Variants in NRXN3 observed in about 807,000 individuals in gnomAD.
NRXN3 encodes the protein neurexin III.
In NRXN3, 32 loss-of-function variants were observed where a neutral mutation model predicts 137.6. That is an observed-to-expected ratio of 0.23 (90% CI 0.18 to 0.31). The LOEUF (loss-of-function observed/expected upper bound fraction) is 0.31. Among genes scored for constraint, NRXN3 ranks in the 10% least tolerant of loss-of-function variants. The probability of loss-of-function intolerance (pLI) is 1.00; values close to 1 mark genes in which losing one functional copy is unlikely to be tolerated. For missense variants in NRXN3, 1,574 were observed against 2,062.5 expected, an observed-to-expected ratio of 0.76 and a Z score of 4.59; for synonymous variants, 798 against 784.5, an observed-to-expected ratio of 1.02 and a Z score of -0.29.
intron 15 of NRXN3, among the ~76,000 whole-genome samples, chr14:79,152,227 C>G (rs2059863264): frequency 6.6e-6 from 1 of 152,038 alleles, no homozygotes; most frequent in South Asian, 2.1e-4. Flanking sequence ...TGCATTTTAT[C>G]TGCAGTCAAC....
At chr14:78,296,700 G>A (rs1161054337) in intron 3 of NRXN3, among the ~76,000 whole-genome samples, 1 of 152,122 alleles carries the variant, frequency 6.6e-6, no homozygotes, top group Non-Finnish European at 1.5e-5. Flanking sequence ...TATGGCACAT[G>A]TATCTGTGTA....
At chr14:78,673,255 T>C (rs780129586) in intron 6 of NRXN3, among the ~76,000 whole-genome samples, 1 of 152,226 alleles carries the variant, frequency 6.6e-6, no homozygotes, top group Non-Finnish European at 1.5e-5. Flanking sequence ...CAAACCTGCA[T>C]GGGCAAGATT....
chr14:79,252,097 A>T (rs2076010657), intron 15 of NRXN3, among the ~76,000 whole-genome samples: 1 of 152,206 alleles, frequency 6.6e-6, no homozygotes, highest in African/African-American at 2.4e-5. Context: ...AAAATTAAAG[A>T]TAGTTACTTT....
intron 15 of NRXN3, among the ~76,000 whole-genome samples, chr14:79,247,640 C>T (rs1330108685): frequency 6.6e-6 from 1 of 152,060 alleles, no homozygotes; most frequent in African/African-American, 2.4e-5. Context: ...ATGGAAACAG[C>T]CAAAAGCTAG....
At chr14:79,362,105 G>A (rs569454124) in intron 15 of NRXN3, among the ~76,000 whole-genome samples, 16 of 149,282 alleles carry the variant, frequency 1.1e-4, no homozygotes, top group East Asian at 3.9e-4. Context: ...GATTACAGGC[G>A]CGGGCCACCA....
intron 19 of NRXN3, among the ~76,000 whole-genome samples, chr14:79,785,230 C>A (rs1454573603): frequency 1.3e-5 from 2 of 152,146 alleles, no homozygotes; most frequent in African/African-American, 4.8e-5. Context: ...ATAAAAAGAT[C>A]ACTTTTCTGG....
chr14:79,821,003 A>G (rs188706243), intron 20 of NRXN3, among the ~76,000 whole-genome samples: 30 of 152,290 alleles, frequency 2.0e-4, no homozygotes, highest in Admixed American at 9.8e-4. Flanking sequence ...CTACAAAGGA[A>G]GCAAACAAAA....
chr14:78,187,356 T>C (rs540859825), intron 1 of NRXN3, among the ~76,000 whole-genome samples: 2 of 152,144 alleles, frequency 1.3e-5, no homozygotes, highest in East Asian at 3.9e-4. Context: ...CATGCAGACT[T>C]GGGTAGGTAA....
intron 15 of NRXN3, among the ~76,000 whole-genome samples, chr14:79,085,613 T>C (rs1183730089): frequency 6.6e-6 from 1 of 152,182 alleles, no homozygotes; most frequent in Non-Finnish European, 1.5e-5. Context: ...CTTAGTAGTT[T>C]AATGACTTGG....
At chr14:79,795,485 G>A (rs1433921701) in intron 19 of NRXN3, among the ~76,000 whole-genome samples, 2 of 152,090 alleles carry the variant, frequency 1.3e-5, no homozygotes, top group Non-Finnish European at 2.9e-5. Flanking sequence ...ATTCTCAATC[G>A]AAAGCTGACC....
At chr14:78,549,164 C>G (rs1049130529) in intron 4 of NRXN3, among the ~76,000 whole-genome samples, 3 of 152,140 alleles carry the variant, frequency 2.0e-5, no homozygotes, top group Non-Finnish European at 2.9e-5. Flanking sequence ...TTTAGAGAAG[C>G]CAGGTCCAAC....
At chr14:78,223,448 C>T (rs1488419075) in intron 1 of NRXN3, among the ~76,000 whole-genome samples, 1 of 152,112 alleles carries the variant, frequency 6.6e-6, no homozygotes, top group African/African-American at 2.4e-5. Flanking sequence ...AAGGTCATTC[C>T]CCTCCCACCC....
chr14:79,463,316 C>A (rs577406953), intron 15 of NRXN3, among the ~76,000 whole-genome samples: 243 of 152,246 alleles, frequency 1.6e-3, no homozygotes, highest in African/African-American at 5.4e-3. Flanking sequence ...GCATGGAAGA[C>A]TGTTTGATCC....
chr14:78,224,085 A>G (rs760336194), intron 1 of NRXN3, among the ~76,000 whole-genome samples: 17 of 151,824 alleles, frequency 1.1e-4, no homozygotes, highest in Non-Finnish European at 2.4e-4. Flanking sequence ...GAAAATACAG[A>G]CTTTGTCTCA....
intron 4 of NRXN3, among the ~76,000 whole-genome samples, chr14:78,580,806 GC>G (rs1222448189): frequency 1.3e-5 from 2 of 152,196 alleles, no homozygotes; most frequent in Non-Finnish European, 2.9e-5. Context: ...CTTCTTTGGG[GC>G]CAGGCCAGGA....
At position 79,190,758 on chromosome 14, in the gene NRXN3, C is replaced by T. The variant is rs1352470410; in HGVS notation, c.3262+202617C>T. On this transcript the variant is annotated intron_variant, in intron 15 of 20. Transcript: ENST00000335750. ...AGATGCATGGTAGGGAAAAGGGAAA[C>T]TTGATCTGGTTTATTCTGAACCCTT... Among the ~76,000 whole-genome samples, 5 of 152,148 alleles carry T rather than the reference C, an allele frequency of 3.3e-5. No individual in the cohort carries two copies. In the South Asian group the frequency reaches 6.2e-4, roughly 19 times the overall value.
intron 4 of NRXN3, among the ~76,000 whole-genome samples, chr14:78,546,780 T>C (rs2096640247): frequency 6.6e-6 from 1 of 152,208 alleles, no homozygotes; most frequent in Non-Finnish European, 1.5e-5. Context: ...TTTCCACATA[T>C]TGCATCGCTG....
At chr14:79,235,257 A>C (rs1211232450) in intron 15 of NRXN3, among the ~76,000 whole-genome samples, 1 of 152,158 alleles carries the variant, frequency 6.6e-6, no homozygotes, top group African/African-American at 2.4e-5. Flanking sequence ...CATAAAAACT[A>C]TGTGACAGTC....
At chr14:78,825,220 AAAAG>A (rs2098963251) in intron 10 of NRXN3, among the ~76,000 whole-genome samples, 1 of 151,384 alleles carries the variant, frequency 6.6e-6, no homozygotes, top group Non-Finnish European at 1.5e-5. Context: ...AAAAAAAAGA[AAAAG>A]AAAAAGAAAA....
Sources: gnomAD v4.1 joint callset for allele counts (sites outside exome capture counted in the v4.1 genomes callset) on GRCh38, gnomAD v4.1.1 for gene constraint, MANE v1.5 for transcripts, NCBI Gene and HGNC (gene_info 2026-07-23, HGNC 2026-07-21) for gene names.